PPP1R9A: variants seen among roughly 807,000 people sequenced by gnomAD.
PPP1R9A encodes the protein neurabin-1.
In PPP1R9A, 59 loss-of-function variants were observed where a neutral mutation model predicts 141.9. That is an observed-to-expected ratio of 0.42 (90% CI 0.34 to 0.52). The LOEUF is 0.52. Ranked by LOEUF, PPP1R9A falls within the 20% of genes least tolerant of loss-of-function variation. The pLI, the probability that PPP1R9A is intolerant of heterozygous loss-of-function variation, is 0.10. For synonymous variants in PPP1R9A, 500 were observed against 569.7 expected (o/e 0.88, Z 1.74); for missense variants, 1,444 against 1,611.9 (o/e 0.90, Z 1.78).
At chr7:94,927,981 A>G (rs1212464633) in intron 2 of PPP1R9A, among the ~76,000 whole-genome samples, 1 of 152,182 alleles carries the variant, frequency 6.6e-6, no homozygotes, top group Admixed American at 6.5e-5. Context: ...GGCAGCAGAC[A>G]TAATCTGGAA....
intron 4 of PPP1R9A, among the ~76,000 whole-genome samples, chr7:95,121,660 C>T (rs778304855): frequency 1.3e-5 from 2 of 151,976 alleles, no homozygotes; most frequent in East Asian, 1.9e-4. Context: ...TTATATGGCT[C>T]ATGGTTCTGG....
intron 7 of PPP1R9A, among the ~76,000 whole-genome samples, chr7:95,223,830 AC>A (rs1383586923): frequency 2.0e-5 from 3 of 152,046 alleles, no homozygotes; most frequent in Admixed American, 2.0e-4. Flanking sequence ...AGGGTTAAAA[AC>A]AAGTACACAG....
intron 5 of PPP1R9A, among the ~76,000 whole-genome samples, chr7:95,190,758 A>G (rs1322044359): frequency 6.6e-6 from 1 of 152,144 alleles, no homozygotes; most frequent in African/African-American, 2.4e-5. Flanking sequence ...GAATTCTTTT[A>G]GTTTTCCTGG....
intron 7 of PPP1R9A, among the ~76,000 whole-genome samples, chr7:95,223,733 T>A (rs1027488032): frequency 6.6e-6 from 1 of 152,022 alleles, no homozygotes; most frequent in Non-Finnish European, 1.5e-5. Context: ...GTTTCTTGAG[T>A]CATTCAATGC....
intron 2 of PPP1R9A, among the ~76,000 whole-genome samples, chr7:95,069,933 C>G (rs9641158): frequency 6.6e-6 from 1 of 152,116 alleles, no homozygotes; most frequent in African/African-American, 2.4e-5. Flanking sequence ...ATATGCTGTT[C>G]ATGTTGTTAG....
At chr7:94,988,817 G>T (rs966408310) in intron 2 of PPP1R9A, among the ~76,000 whole-genome samples, 4 of 151,704 alleles carry the variant, frequency 2.6e-5, no homozygotes, top group Admixed American at 2.0e-4. Flanking sequence ...TAACATCCTG[G>T]ATTGATAACC....
chr7:95,264,061 A>AACT (rs1800868954), intron 12 of PPP1R9A, among the ~76,000 whole-genome samples: 1 of 152,172 alleles, frequency 6.6e-6, no homozygotes, highest in South Asian at 2.1e-4. Context: ...CTATTCAAGG[A>AACT]ACAACTCCAG....
intron 19 of PPP1R9A, among the ~76,000 whole-genome samples, 190 bp from the exon 20 acceptor site, chr7:95,289,901 T>A (rs888866158): frequency 3.9e-5 from 6 of 152,214 alleles, no homozygotes; most frequent in African/African-American, 1.4e-4. Context: ...GCAAGGGACT[T>A]CAAAGAACAA....
At chr7:95,177,751 G>A (rs1452765186) in intron 5 of PPP1R9A, among the ~76,000 whole-genome samples, 1 of 151,898 alleles carries the variant, frequency 6.6e-6, no homozygotes, top group Non-Finnish European at 1.5e-5. Flanking sequence ...AAACTTTAAA[G>A]CAACAGCAAT....
At chr7:94,991,562 A>G (rs1346555187) in intron 2 of PPP1R9A, among the ~76,000 whole-genome samples, 2 of 151,886 alleles carry the variant, frequency 1.3e-5, no homozygotes, top group African/African-American at 4.8e-5. Context: ...TTTGTTGCCT[A>G]TGCTTTTGGG....
At chr7:95,038,433 A>AG (rs773688470) in intron 2 of PPP1R9A, among the ~76,000 whole-genome samples, 2 of 152,188 alleles carry the variant, frequency 1.3e-5, no homozygotes, top group Non-Finnish European at 2.9e-5. Flanking sequence ...TTTACCTATA[A>AG]GGAACCCCAC....
chr7:95,163,153 G>C (rs1830681521), intron 5 of PPP1R9A, among the ~76,000 whole-genome samples: 1 of 152,142 alleles, frequency 6.6e-6, no homozygotes, highest in Admixed American at 6.5e-5. Context: ...AAATAGGTAA[G>C]ATATACATTC....
At chr7:95,026,615 T>G (rs548162076) in intron 2 of PPP1R9A, among the ~76,000 whole-genome samples, 21 of 152,322 alleles carry the variant, frequency 1.4e-4, no homozygotes, top group Admixed American at 1.2e-3. Flanking sequence ...AATACTGTGC[T>G]GGGAGATCTG....
chr7:95,051,747 C>T (rs1289614222), intron 2 of PPP1R9A, among the ~76,000 whole-genome samples: 1 of 151,932 alleles, frequency 6.6e-6, no homozygotes, highest in Non-Finnish European at 1.5e-5. Flanking sequence ...TACAAAAGAT[C>T]CTTTATGCCA....
At chr7:95,077,357 G>A (rs1029131736) in intron 2 of PPP1R9A, among the ~76,000 whole-genome samples, 2 of 152,032 alleles carry the variant, frequency 1.3e-5, no homozygotes, top group African/African-American at 2.4e-5. Flanking sequence ...CGACATGTTA[G>A]TGAATATGAG....
At chr7:95,263,425 TTGC>T (rs1467262669) in intron 12 of PPP1R9A, among the ~76,000 whole-genome samples, 683 of 40,946 alleles carry the variant, frequency 0.017, 9 homozygotes, top group Middle Eastern at 0.071. Flanking sequence ...GTTGTTGTTG[TTGC>T]TGTTGTTGTT....
At chr7:95,032,466 A>G (rs2151824634) in intron 2 of PPP1R9A, among the ~76,000 whole-genome samples, 1 of 152,268 alleles carries the variant, frequency 6.6e-6, no homozygotes, top group South Asian at 2.1e-4. Flanking sequence ...AACTAATTGA[A>G]TCATTTCCCC....
intron 18 of PPP1R9A, 38 bp from the exon 19 acceptor site, chr7:95,288,498 T>TG: frequency 6.2e-7 from 1 of 1,602,526 alleles, no homozygotes; most frequent in Admixed American, 1.7e-5. Flanking sequence ...CATAGTATCT[T>TG]GGTCCTTTAA....
intron 2 of PPP1R9A, among the ~76,000 whole-genome samples, chr7:94,982,873 T>C (rs926561765): frequency 6.6e-6 from 1 of 152,216 alleles, no homozygotes; most frequent in African/African-American, 2.4e-5. Flanking sequence ...TTTGGTGTTT[T>C]AGTCATGAAG....
Sources: allele counts gnomAD v4.1 joint callset (sites outside exome capture counted in the v4.1 genomes callset), GRCh38; gene constraint gnomAD v4.1.1; transcripts MANE v1.5; gene names NCBI Gene and HGNC (gene_info 2026-07-23, HGNC 2026-07-21).